Variants in DHRS1 observed in about 807,000 individuals in gnomAD.
The protein encoded by DHRS1 is dehydrogenase/reductase SDR family member 1.
In DHRS1, 34 loss-of-function variants were observed where a neutral mutation model predicts 35.2. The ratio of observed to expected loss-of-function variants is 0.97; its 90% CI spans 0.74 to 1.29. The LOEUF is 1.29. Among genes scored for constraint, DHRS1 ranks in the 50% most tolerant of loss-of-function variants. The probability of loss-of-function intolerance (pLI) is 0.00; values close to 1 mark genes in which losing one functional copy is unlikely to be tolerated. For missense variants in DHRS1, 354 were observed against 403.6 expected (o/e 0.88, Z 1.05); for synonymous variants, 133 against 160.0 (o/e 0.83, Z 1.27).
Position 24,292,259 on chromosome 14 carries a change from C to T in DHRS1, c.579G>A (p.Pro193=), listed in dbSNP as rs149781043. ...TCAGCAGTTCTGTCTGCACAATCCC[C>T]GGCCACAGAGACACACAGCTGACCC... ...RHGVSCVSLW[P]GIVQTELLKE... Residue 193 remains proline, a synonymous_variant, in exon 6 of 9, where the codon CCG becomes CCA. Transcript: ENST00000288111. 1.4e-4 allele frequency: 234 copies of T among 1,614,178 alleles called. 1 individual carries two copies. In the African/African-American group the frequency reaches 1.6e-3, roughly 11 times the overall value.
rs2041143369 is a variant in DHRS1 at position 24,290,750 on chromosome 14, C to T, written c.*109G>A. 1 of 1,423,578 alleles carries T rather than the reference C, an allele frequency of 7.0e-7. No individual in the cohort carries two copies. Among genetic ancestry groups the T allele is most frequent in the Non-Finnish European group, 9.7e-7 (1 of 1,027,088 alleles). The allele number at this position is 1,423,578 out of a possible 1,614,324, so 88.2% of individuals were successfully genotyped here. A position where few individuals can be genotyped will look rare whatever the true frequency, so the allele number is the denominator to read the frequency against. ...GGACACACAGCAGAGGGCTTCTCTT[C>T]ATATCAAGGGTATGGGTAAACAAGA... is the stretch of plus-strand genomic sequence containing the variant. On this transcript the variant is annotated 3_prime_UTR_variant, in exon 9 of 9. Transcript: ENST00000288111.
chr14:24,291,116 GAC>G, intron 8 of DHRS1, 21 bp downstream of exon 8: 5 of 1,613,988 alleles, frequency 3.1e-6, no homozygotes, highest in Non-Finnish European at 4.2e-6. Context: ...AGTCAAGGCT[GAC>G]TGCTGTGCCA....
intron 4 of DHRS1, chr14:24,294,653 A>G (rs1051930217): frequency 6.6e-6 from 1 of 152,214 alleles, no homozygotes; most frequent in African/African-American, 2.4e-5. Context: ...ATGCGTGTGA[A>G]AAATGAGTGA....
chr14:24,291,107 G>A (rs2041150457), intron 8 of DHRS1, 32 bp downstream of exon 8: 2 of 1,613,722 alleles, frequency 1.2e-6, no homozygotes, highest in African/African-American at 1.3e-5. Flanking sequence ...GGGAACAGCA[G>A]TCAAGGCTGA....
chr14:24,294,065 A>G (rs1326188304), intron 4 of DHRS1: 1 of 152,198 alleles, frequency 6.6e-6, no homozygotes, highest in Admixed American at 6.5e-5. Flanking sequence ...CTCGTTTATT[A>G]TTTTAAAATT....
intron 4 of DHRS1, 60 bp downstream of exon 4, chr14:24,296,449 C>A (rs2041248705): frequency 6.5e-7 from 1 of 1,545,170 alleles, no homozygotes. Flanking sequence ...AAGGAAAGGC[C>A]TGGCCGTCGA....
At chr14:24,298,072 A>G (rs1322038587) in intron 2 of DHRS1, among the ~76,000 whole-genome samples, 2 of 152,010 alleles carry the variant, frequency 1.3e-5, no homozygotes, top group Non-Finnish European at 2.9e-5. Context: ...TTTTAGAGAC[A>G]GGGTCTCACT....
At position 24,296,804 on chromosome 14, in the gene DHRS1, C is replaced by T. The variant is rs567088429; in HGVS notation, c.228G>A (p.Glu76=). The change falls in exon 3 of 9, where the codon GAG becomes GAA. Residue 76 remains glutamate (E), a synonymous_variant. Transcript: ENST00000288111. The part of the protein sequence containing the change: ...SQESEVRSLF[E]QVDREQQGRL... ...GCCCTTGCTGTTCCCGATCCACTTGCTCAAACAGGCTTCGCACTTCACTCT... is the reference window on the plus strand; with the variant it reads ...GCCCTTGCTGTTCCCGATCCACTTGTTCAAACAGGCTTCGCACTTCACTCT... 5.8e-5 allele frequency: 93 copies of T among 1,614,218 alleles called. No homozygotes were observed. The South Asian group carries it at 8.7e-4, about 15-fold the overall frequency.
Position 24,291,223 on chromosome 14 carries a change from C to A in DHRS1, c.725-4G>T. ...CTCAGGCTCAGGATATTGGGATCTG[C>A]GGGCACACAGACAGGTGGAGATGGC... On this transcript the variant is annotated splice_region_variant and splice_polypyrimidine_tract_variant and intron_variant, in intron 7 of 8. Coordinates refer to ENST00000288111, the MANE Select transcript of DHRS1 (RefSeq NM_001136050.3). 6.2e-7 allele frequency: 1 copy of A among 1,613,976 alleles called. No homozygotes were observed. Among genetic ancestry groups the A allele is most frequent in the Non-Finnish European group, 8.5e-7 (1 of 1,179,950 alleles).
At chr14:24,292,907 G>A in intron 4 of DHRS1, 123 bp from the exon 5 acceptor site, 1 of 1,314,794 alleles carries the variant, frequency 7.6e-7, no homozygotes, top group Non-Finnish European at 1.0e-6. Context: ...ACACAGGGTG[G>A]GTTAGCGACC....
At chr14:24,291,372 C>T in intron 7 of DHRS1, 153 bp from the exon 8 acceptor site, 1 of 1,060,060 alleles carries the variant, frequency 9.4e-7, no homozygotes, top group Non-Finnish European at 1.4e-6. Context: ...TCCACACTTC[C>T]CAGGAGCCTG....
chr14:24,295,055 C>T (rs1226769353), intron 4 of DHRS1, among the ~76,000 whole-genome samples: 2 of 152,116 alleles, frequency 1.3e-5, no homozygotes. Context: ...ATTTTTCCCA[C>T]AGTCTCTATA....
rs1252396826 is a variant in DHRS1 at position 24,291,005 on chromosome 14, A to G, written c.806-10T>C. On this transcript the variant is annotated splice_polypyrimidine_tract_variant and intron_variant, in intron 8 of 8. Transcript: ENST00000288111. Reference sequence around the variant, plus strand: ...TCTTGGACGGGGCGGCCTGGGAACAACAGGAGGAGGAGGATTAGATTCTCA... The same window carrying G: ...TCTTGGACGGGGCGGCCTGGGAACAGCAGGAGGAGGAGGATTAGATTCTCA... 1 of 1,613,970 alleles carries G rather than the reference A, an allele frequency of 6.2e-7. No individual in the cohort carries two copies. Among genetic ancestry groups the G allele is most frequent in the Non-Finnish European group, 8.5e-7 (1 of 1,179,998 alleles).
chr14:24,291,703 T>C, intron 6 of DHRS1, 78 bp from the exon 7 acceptor site: 1 of 1,462,756 alleles, frequency 6.8e-7, no homozygotes. Flanking sequence ...TCAACTTCTG[T>C]TCCAGGAGAA....
In DHRS1 at chr14:24,299,743, G is replaced by A; in HGVS notation, c.-187C>T. On this transcript the variant is annotated 5_prime_UTR_variant, in exon 1 of 9. Coordinates refer to ENST00000288111, the MANE Select transcript of DHRS1 (RefSeq NM_001136050.3). ...CTGAGGTAGAGGGGCAGAGTCCCAGGCCAAAGTTAGAACCTGCGGATGGGG... is the reference window on the plus strand; with the variant it reads ...CTGAGGTAGAGGGGCAGAGTCCCAGACCAAAGTTAGAACCTGCGGATGGGG... The A allele has an allele frequency of 2.1e-6, 1 of 475,622 alleles. No individual in the cohort carries two copies. The highest frequency in any genetic ancestry group is 3.1e-5 in the East Asian group (1 of 31,972). The allele number at this position is 475,622 out of a possible 1,614,324, so 29.5% of individuals were successfully genotyped here.
chr14:24,297,753 TCTA>T, intron 2 of DHRS1, among the ~76,000 whole-genome samples: 1 of 152,230 alleles, frequency 6.6e-6, no homozygotes, highest in Non-Finnish European at 1.5e-5. Context: ...ATCTCACACA[TCTA>T]CTCTTTCACA....
rs2041185446 is a variant in DHRS1 at position 24,292,771 on chromosome 14, A to G, written c.388T>C (p.Cys130Arg). 1 of 1,612,794 alleles carries G rather than the reference A, an allele frequency of 6.2e-7. No homozygotes were observed. Among genetic ancestry groups the G allele is most frequent in the African/African-American group, 1.3e-5 (1 of 74,844 alleles). ...NNVGLRGHYF[C>R]SVYGARLMVP... ...ATCAGCCGTGCCCCATACACTGAGCAAAAGTAGTGGCCTCTAGAAGGTGGG... is the reference window on the plus strand; with the variant it reads ...ATCAGCCGTGCCCCATACACTGAGCGAAAGTAGTGGCCTCTAGAAGGTGGG... The change falls in exon 5 of 9, where the codon TGC becomes CGC. Residue 130 changes from cysteine (C) to arginine (R), a missense_variant. Cys to Arg is a radical substitution (Grantham distance 180, BLOSUM62 -3). Coordinates refer to ENST00000288111, the MANE Select transcript of DHRS1 (RefSeq NM_001136050.3).
Position 24,292,748 on chromosome 14 carries a change from C to T in DHRS1, c.411G>A (p.Leu137=), listed in dbSNP as rs1323901787. The T allele has an allele frequency of 6.2e-7, 1 of 1,614,222 alleles. No individual in the cohort carries two copies. Residue 137 remains leucine (L), a synonymous_variant, in exon 5 of 9, where the codon CTG becomes CTA. Transcript: ENST00000288111. ...HYFCSVYGAR[L]MVPAGQGLIV... is the part of the protein sequence containing the mutation. ...TGAGCCCCTGGCCAGCTGGTACCAT[C>T]AGCCGTGCCCCATACACTGAGCAAA...
rs745732042 is a variant in DHRS1 at position 24,299,007 on chromosome 14, CTG to C, written c.98_99del (p.Thr33SerfsTer37). 13 of 1,613,948 alleles carry C rather than the reference CTG, an allele frequency of 8.1e-6. No individual in the cohort carries two copies. The highest frequency in any genetic ancestry group is 1.3e-5 in the African/African-American group (1 of 74,956). On this transcript the variant is annotated frameshift_variant, in exon 2 of 9. Transcript: ENST00000288111. LOFTEE classifies it high-confidence loss of function. The part of the protein sequence containing the change: ...IALQLCKAGA[T>X]VYITGRHLDT... ...TCCAGATGGCGGCCAGTGATGTAAA[CTG>C]TGGCGCCTGCTTTGCAGAGCTGCAA...
Sources: allele counts gnomAD v4.1 joint callset (sites outside exome capture counted in the v4.1 genomes callset), GRCh38; gene constraint gnomAD v4.1.1; transcripts MANE v1.5; gene names NCBI Gene and HGNC (gene_info 2026-07-23, HGNC 2026-07-21).